The following UHMK1 variants were observed in gnomAD, a reference collection of about 807,000 sequenced individuals.
The protein encoded by UHMK1 is U2AF homology motif kinase 1.
In UHMK1, 18 loss-of-function variants were observed where a neutral mutation model predicts 44.0. That is an observed-to-expected ratio of 0.41 (90% CI 0.28 to 0.61). UHMK1 has a LOEUF of 0.61. Among genes scored for constraint, UHMK1 ranks in the 20% least tolerant of loss-of-function variants. The pLI is 0.31. For synonymous variants in UHMK1, 231 were observed against 198.5 expected, an observed-to-expected ratio of 1.16 and a Z score of -1.38; for missense variants, 463 against 522.5, an observed-to-expected ratio of 0.89 and a Z score of 1.11.
At chr1:162,512,621 C>T in intron 5 of UHMK1, 45 bp downstream of exon 5, 1 of 1,601,462 alleles carries the variant, frequency 6.2e-7, no homozygotes, top group Middle Eastern at 1.7e-4. Context: ...ATTTGACAGT[C>T]ATACAAGACA....
chr1:162,499,059 A>G (rs1488686209), intron 1 of UHMK1, among the ~76,000 whole-genome samples: 1 of 152,216 alleles, frequency 6.6e-6, no homozygotes, highest in Non-Finnish European at 1.5e-5. Flanking sequence ...CTTGGTATTG[A>G]AAAGGGAAAA....
chr1:162,507,746 C>T (rs939259928), intron 4 of UHMK1, among the ~76,000 whole-genome samples: 1 of 151,746 alleles, frequency 6.6e-6, no homozygotes, highest in Non-Finnish European at 1.5e-5. Context: ...GCTACCACAC[C>T]CAGCTAATTT....
intron 7 of UHMK1, 81 bp downstream of exon 7, chr1:162,518,271 T>G: frequency 2.0e-6 from 2 of 1,020,130 alleles, no homozygotes; most frequent in Admixed American, 4.2e-5. Context: ...TGTAGGAAGA[T>G]GTACAACAAA....
chr1:162,517,018 G>T (rs1010075909), intron 6 of UHMK1, among the ~76,000 whole-genome samples: 2 of 152,244 alleles, frequency 1.3e-5, no homozygotes, highest in East Asian at 3.8e-4. Context: ...CACAAGTGAG[G>T]CTGGGCGCAG....
At chr1:162,508,134 A>T (rs116629884) in intron 4 of UHMK1, among the ~76,000 whole-genome samples, 2,878 of 150,868 alleles carry the variant, frequency 0.019, 83 homozygotes, top group African/African-American at 0.064. Context: ...GGGGGAGGAG[A>T]AGACAAAGTC....
intron 7 of UHMK1, 103 bp downstream of exon 7, chr1:162,518,293 G>T: frequency 1.3e-6 from 1 of 751,766 alleles, no homozygotes; most frequent in East Asian, 2.6e-5. Flanking sequence ...TTTTGCTAAG[G>T]ATTATGAGTT....
chr1:162,500,581 C>G (rs532973766), intron 2 of UHMK1: 4 of 398,652 alleles, frequency 1.0e-5, no homozygotes, highest in African/African-American at 8.1e-5. Flanking sequence ...GGGGCTGTAT[C>G]TCGTGGCAGA....
At chr1:162,500,546 T>TA in intron 2 of UHMK1, 2 of 419,324 alleles carry the variant, frequency 4.8e-6, no homozygotes, top group Middle Eastern at 6.6e-4. Flanking sequence ...ATTGCTGAGT[T>TA]ACTATTCCTG....
Position 162,512,775 on chromosome 1 carries a change from C to G in UHMK1, c.976C>G (p.Leu326Val). The G allele has an allele frequency of 6.2e-7, 1 of 1,614,056 alleles. No homozygotes were observed. The highest frequency in any genetic ancestry group is 8.5e-7 in the Non-Finnish European group (1 of 1,179,994). Residue 326 changes from leucine (L) to valine (V), a missense_variant, in exon 6 of 8, where the codon CTG (leucine) becomes GTG (valine). This residue lies in a region of UHMK1 where 264 missense variants were observed against 326.3 expected (regional missense o/e 0.81). Transcript: ENST00000489294. ...GCTTCCCACTCCAGTGCTAAGACTGCTGAATGTGCTGGATGATGATTATCT... is the reference window on the plus strand; with the variant it reads ...GCTTCCCACTCCAGTGCTAAGACTGGTGAATGTGCTGGATGATGATTATCT... ...VMLPTPVLRLLNVLDDDYLEN... is the reference protein window; with the variant it reads ...VMLPTPVLRLVNVLDDDYLEN...
upstream of UHMK1, chr1:162,497,790 A>T: frequency 8.0e-7 from 1 of 1,250,842 alleles, no homozygotes; most frequent in Non-Finnish European, 1.0e-6. Flanking sequence ...GGCCTGTATG[A>T]TAGGCTCTTC....
upstream of UHMK1, chr1:162,497,703 T>A: frequency 1.0e-6 from 1 of 969,158 alleles, no homozygotes; most frequent in Non-Finnish European, 1.4e-6. Context: ...GGTTACTTCT[T>A]ATTCTCGGTT....
chr1:162,514,319 T>G (rs1381166774), intron 6 of UHMK1, among the ~76,000 whole-genome samples: 2 of 151,776 alleles, frequency 1.3e-5, no homozygotes, highest in Non-Finnish European at 2.9e-5. Context: ...TAGACTGAGT[T>G]TACATGATGT....
chr1:162,500,573 G>C (rs1020980720), intron 2 of UHMK1: 13 of 401,384 alleles, frequency 3.2e-5, no homozygotes, highest in Non-Finnish European at 5.3e-5. Context: ...TCAGTGTTGG[G>C]GCTGTATCTC....
intron 4 of UHMK1, among the ~76,000 whole-genome samples, chr1:162,512,174 C>T (rs933039276): frequency 6.7e-6 from 1 of 150,340 alleles, no homozygotes; most frequent in Non-Finnish European, 1.5e-5. Flanking sequence ...ACAATCATCC[C>T]ACCGATATCT....
intron 4 of UHMK1, among the ~76,000 whole-genome samples, chr1:162,506,721 C>T (rs1185871358): frequency 1.3e-5 from 2 of 152,038 alleles, no homozygotes; most frequent in South Asian, 2.1e-4. Context: ...AAAAAGTAGC[C>T]GGGCCTGGTG....
At chr1:162,502,163 T>C (rs927952754) in intron 3 of UHMK1, among the ~76,000 whole-genome samples, 1 of 152,148 alleles carries the variant, frequency 6.6e-6, no homozygotes, top group South Asian at 2.1e-4. Context: ...GAAAACATAC[T>C]GTAGTTAATT....
At chr1:162,512,471 A>G (rs1355474770) in intron 4 of UHMK1, 29 bp from the exon 5 acceptor site, 1 of 1,573,262 alleles carries the variant, frequency 6.4e-7, no homozygotes, top group Non-Finnish European at 8.6e-7. Flanking sequence ...TTCAGCAGAA[A>G]TGATAAGGCA....
chr1:162,519,400 T>G (rs1651962383), intron 7 of UHMK1, among the ~76,000 whole-genome samples: 1 of 152,144 alleles, frequency 6.6e-6, no homozygotes, highest in African/African-American at 2.4e-5. Flanking sequence ...CTAATTTTGT[T>G]CTAATTAGGT....
At chr1:162,515,850 T>C (rs1301545676) in intron 6 of UHMK1, among the ~76,000 whole-genome samples, 1 of 151,828 alleles carries the variant, frequency 6.6e-6, no homozygotes, top group African/African-American at 2.4e-5. Flanking sequence ...CTGGTTAACA[T>C]GGTGAAACCT....
Sources: allele counts gnomAD v4.1 joint callset (sites outside exome capture counted in the v4.1 genomes callset), GRCh38; gene constraint gnomAD v4.1.1; regional missense constraint gnomAD v4.1.1; transcripts MANE v1.5; gene names NCBI Gene and HGNC (gene_info 2026-07-23, HGNC 2026-07-21).